Variants in FAAH2 observed in about 807,000 individuals in gnomAD.
The protein encoded by FAAH2 is fatty-acid amide hydrolase 2.
A neutral mutation model predicts 36.9 loss-of-function variants in FAAH2; 60 were observed. The ratio of observed to expected loss-of-function variants is 1.63; its 90% CI spans 1.32 to 2.02. The LOEUF is 2.02. FAAH2 is among the 30% of genes most tolerant of loss of function. FAAH2 has a pLI of 0.00. For missense variants in FAAH2, 689 were observed against 397.5 expected (o/e 1.73, Z -6.23); for synonymous variants, 214 against 143.8 (o/e 1.49, Z -3.49).
At chrX:57,165,614 G>A in the FAAH2 span, among the ~76,000 whole-genome samples, 43 of 110,654 alleles carry the variant, frequency 3.9e-4, no homozygotes, top group East Asian at 2.3e-3. Flanking sequence ...TGGGTGCAGC[G>A]CACCAGCATG....
Position 57,311,919 on chromosome X carries a change from A to G in FAAH2, c.412+1190A>G, listed in dbSNP as rs923106224. Among the ~76,000 whole-genome samples the G allele has an allele frequency of 2.7e-5, 3 of 112,161 alleles. No homozygotes were observed. The Admixed American group carries it at 2.8e-4, about 11-fold the overall frequency. On this transcript the variant is annotated intron_variant, in intron 3 of 10. Transcript: ENST00000374900. ...GAGAGTAAGGAGCAGAGATCTGTGGACAGTAATGAAGCTGGGGAGGAGCTC... is the reference window on the plus strand; with the variant it reads ...GAGAGTAAGGAGCAGAGATCTGTGGGCAGTAATGAAGCTGGGGAGGAGCTC...
At chrX:57,161,107 T>G in the FAAH2 span, among the ~76,000 whole-genome samples, 1 of 112,190 alleles carries the variant, frequency 8.9e-6, no homozygotes, top group Non-Finnish European at 1.9e-5. Flanking sequence ...CTGCCTTCAT[T>G]TTGTTATGTA....
chrX:57,345,517 CT>C (rs905046142), intron 5 of FAAH2, among the ~76,000 whole-genome samples: 15 of 109,320 alleles, frequency 1.4e-4, no homozygotes, highest in East Asian at 2.9e-4. Flanking sequence ...TTTATTTGGA[CT>C]TTTTTTTTCT....
chrX:57,393,582 T>C (rs1437693132), intron 7 of FAAH2: 1 of 909,548 alleles, frequency 1.1e-6, no homozygotes, highest in Non-Finnish European at 1.6e-6. Flanking sequence ...TGCATGAGAT[T>C]GGGCTTGATT....
intron 7 of FAAH2, among the ~76,000 whole-genome samples, chrX:57,391,922 A>T (rs2055176390): frequency 9.1e-6 from 1 of 110,372 alleles, no homozygotes; most frequent in African/African-American, 3.3e-5. Flanking sequence ...TGGTCGTTTT[A>T]ACTAGTGATA....
the FAAH2 span, among the ~76,000 whole-genome samples, chrX:57,184,823 A>ACCTTTTCT: frequency 8.9e-6 from 1 of 112,284 alleles, no homozygotes; most frequent in African/African-American, 3.2e-5. Context: ...AAAAGAGAAA[A>ACCTTTTCT]GGTTTTCCAA....
At chrX:57,136,629 C>A in the FAAH2 span, 3 of 363,178 alleles carry the variant, frequency 8.3e-6, no homozygotes, top group African/African-American at 8.6e-5. Flanking sequence ...GATAGAGAGA[C>A]ACACCCAGTG....
chrX:57,443,189 A>G (rs1326765676), intron 8 of FAAH2, among the ~76,000 whole-genome samples: 1 of 111,912 alleles, frequency 8.9e-6, no homozygotes, highest in Admixed American at 9.5e-5. Context: ...TCTCCTGGAT[A>G]ATATCCTGAA....
chrX:57,281,540 TTATGAG>T, the FAAH2 span, among the ~76,000 whole-genome samples: 1 of 112,474 alleles, frequency 8.9e-6, no homozygotes, highest in Non-Finnish European at 1.9e-5. Flanking sequence ...CATGTTTTCA[TTATGAG>T]TATATGTATT....
chrX:57,365,190 A>G (rs1042832161), intron 5 of FAAH2, among the ~76,000 whole-genome samples: 1 of 111,904 alleles, frequency 8.9e-6, no homozygotes, highest in African/African-American at 3.2e-5. Flanking sequence ...TTGTGGCTGC[A>G]GGTACTGGTC....
chrX:57,233,475 G>A, the FAAH2 span, among the ~76,000 whole-genome samples: 2 of 110,865 alleles, frequency 1.8e-5, no homozygotes, highest in African/African-American at 6.6e-5. Flanking sequence ...TGTAAAGGAA[G>A]GCTTAATAGA....
At chrX:57,238,813 G>T in the FAAH2 span, among the ~76,000 whole-genome samples, 3 of 110,553 alleles carry the variant, frequency 2.7e-5, no homozygotes, top group African/African-American at 6.6e-5. Flanking sequence ...TCACCCTCAC[G>T]TAAACTATGG....
At chrX:57,176,958 G>A in the FAAH2 span, among the ~76,000 whole-genome samples, 1 of 110,271 alleles carries the variant, frequency 9.1e-6, no homozygotes, top group Admixed American at 9.7e-5. Context: ...CTCCTCTGGG[G>A]CTGGAATGGC....
chrX:57,220,541 A>T, the FAAH2 span, among the ~76,000 whole-genome samples: 1 of 111,980 alleles, frequency 8.9e-6, no homozygotes, highest in Non-Finnish European at 1.9e-5. Flanking sequence ...CAAACCCCAC[A>T]ACAAGTCCTT....
At chrX:57,266,687 C>T in the FAAH2 span, among the ~76,000 whole-genome samples, 1 of 112,551 alleles carries the variant, frequency 8.9e-6, no homozygotes, top group Admixed American at 9.3e-5. Flanking sequence ...GACAGGGAAT[C>T]CCTGGCTGGG....
chrX:57,243,405 C>T, the FAAH2 span, among the ~76,000 whole-genome samples: 1 of 112,412 alleles, frequency 8.9e-6, no homozygotes, highest in East Asian at 2.8e-4. Context: ...CTGCTAGGGA[C>T]AGACTGCCTC....
intron 7 of FAAH2, among the ~76,000 whole-genome samples, chrX:57,428,936 AAACAGAC>A (rs1465371101): frequency 1.8e-5 from 2 of 112,019 alleles, no homozygotes; most frequent in Admixed American, 1.9e-4. Context: ...TCAACAAAAT[AAACAGAC>A]AACGTGCAGA....
chrX:57,131,321 A>G, the FAAH2 span, among the ~76,000 whole-genome samples: 12 of 108,466 alleles, frequency 1.1e-4, no homozygotes, highest in Admixed American at 3.9e-4. Flanking sequence ...TCCTGACCTC[A>G]TGATCCACCC....
chrX:57,414,969 G>T (rs758883967), intron 7 of FAAH2, among the ~76,000 whole-genome samples: 136 of 107,850 alleles, frequency 1.3e-3, no homozygotes, highest in African/African-American at 4.5e-3. Flanking sequence ...GGGTGTACGT[G>T]TCCAGGAATT....
Sources: gnomAD v4.1 joint callset for allele counts (sites outside exome capture counted in the v4.1 genomes callset) on GRCh38, gnomAD v4.1.1 for gene constraint, MANE v1.5 for transcripts, NCBI Gene and HGNC (gene_info 2026-07-23, HGNC 2026-07-21) for gene names.